Variants in TENM2 observed in about 807,000 individuals in gnomAD.
TENM2 encodes teneurin transmembrane protein 2.
TENM2 carries 52 observed loss-of-function variants against 245.2 expected under a neutral mutation model. That is an observed-to-expected ratio of 0.21 (90% CI 0.17 to 0.27). The LOEUF (loss-of-function observed/expected upper bound fraction) is 0.27. Ranked by LOEUF, TENM2 falls within the 10% of genes least tolerant of loss-of-function variation. The pLI is 1.00. For missense variants in TENM2, 3,046 were observed against 3,666.8 expected, an observed-to-expected ratio of 0.83 and a Z score of 4.37; for synonymous variants, 1,363 against 1,438.9, an observed-to-expected ratio of 0.95 and a Z score of 1.19.
At chr5:167,304,813 CCTGATA>C (rs1169310057) in intron 1 of TENM2, among the ~76,000 whole-genome samples, 2 of 152,064 alleles carry the variant, frequency 1.3e-5, no homozygotes, top group African/African-American at 4.8e-5. Context: ...GCTTAGCAAA[CCTGATA>C]CTGTTTTTCC....
the TENM2 span, among the ~76,000 whole-genome samples, chr5:167,251,493 G>A: frequency 1.1e-3 from 162 of 152,188 alleles, no homozygotes; most frequent in African/African-American, 3.8e-3. Flanking sequence ...TTGGAATTAG[G>A]CAAGGGCAAG....
chr5:167,198,726 G>C, the TENM2 span, among the ~76,000 whole-genome samples: 2 of 151,996 alleles, frequency 1.3e-5, no homozygotes, highest in African/African-American at 4.8e-5. Flanking sequence ...CTGTGTCATT[G>C]ATCATCCGCC....
chr5:168,143,906 G>A (rs1215181396), intron 12 of TENM2, among the ~76,000 whole-genome samples: 1 of 140,432 alleles, frequency 7.1e-6, no homozygotes, highest in African/African-American at 2.7e-5. Flanking sequence ...CTGGAGAGCA[G>A]TGGCGCGATC....
chr5:167,772,880 A>C (rs1763495433), intron 2 of TENM2, among the ~76,000 whole-genome samples: 2 of 152,220 alleles, frequency 1.3e-5, no homozygotes, highest in Non-Finnish European at 2.9e-5. Context: ...AATATGATTT[A>C]ATTCTTTTCT....
At position 167,661,340 on chromosome 5, in the gene TENM2, C is replaced by T. The variant is rs141096101; in HGVS notation, c.503-214646C>T. Among the ~76,000 whole-genome samples, 6 of 152,258 alleles carry T rather than the reference C, an allele frequency of 3.9e-5. No individual in the cohort carries two copies. In the East Asian group the frequency reaches 1.2e-3, roughly 29 times the overall value. ...TTGGAACGTGAATTTAGAATTCACA[C>T]TCTGGCTCATTTTTCCAACTGTAAA... is the stretch of plus-strand genomic sequence containing the variant. On this transcript the variant is annotated intron_variant, in intron 2 of 28. Coordinates refer to ENST00000518659, the Ensembl canonical transcript of TENM2.
chr5:168,006,455 A>G (rs944336583), intron 5 of TENM2, among the ~76,000 whole-genome samples: 28 of 152,234 alleles, frequency 1.8e-4, no homozygotes, highest in Non-Finnish European at 1.5e-5. Context: ...TCGAATGCAC[A>G]TTGAGAATAA....
intron 13 of TENM2, among the ~76,000 whole-genome samples, chr5:168,175,004 G>A (rs1042166281): frequency 6.6e-6 from 1 of 152,172 alleles, no homozygotes; most frequent in Non-Finnish European, 1.5e-5. Flanking sequence ...AGGACAGGTG[G>A]TGCTGTGCCA....
the TENM2 span, among the ~76,000 whole-genome samples, chr5:167,057,689 A>G: frequency 6.6e-6 from 1 of 152,148 alleles, no homozygotes; most frequent in Admixed American, 6.6e-5. Flanking sequence ...AGGTTATGCT[A>G]CCTATTCAGG....
At chr5:168,227,922 G>A (rs1156371581) in exon 25 of TENM2, 5 of 1,611,270 alleles carry the variant, frequency 3.1e-6, no homozygotes, top group Non-Finnish European at 4.2e-6. Context: ...TACCAGCTCT[G>A]TAATAATGGT....
intron 9 of TENM2, among the ~76,000 whole-genome samples, chr5:168,114,356 T>A (rs1455086976): frequency 1.3e-5 from 2 of 152,250 alleles, no homozygotes; most frequent in Non-Finnish European, 2.9e-5. Context: ...TCCGTAATAC[T>A]TCTTGGCACA....
chr5:167,744,779 C>A (rs1561730494), intron 2 of TENM2, among the ~76,000 whole-genome samples: 1 of 151,928 alleles, frequency 6.6e-6, no homozygotes, highest in Non-Finnish European at 1.5e-5. Flanking sequence ...GGACACTGTT[C>A]TTTCTTTCTG....
At chr5:167,275,071 C>T in the TENM2 span, among the ~76,000 whole-genome samples, 1 of 151,644 alleles carries the variant, frequency 6.6e-6, no homozygotes, top group Non-Finnish European at 1.5e-5. Flanking sequence ...TTGTTTGTTT[C>T]TTTTTCCCTG....
intron 2 of TENM2, among the ~76,000 whole-genome samples, chr5:167,874,058 C>T (rs1773208406): frequency 6.6e-6 from 1 of 152,122 alleles, no homozygotes; most frequent in South Asian, 2.1e-4. Flanking sequence ...TCACTTTCTT[C>T]CTCTTTGGAC....
intron 2 of TENM2, among the ~76,000 whole-genome samples, chr5:167,700,614 C>T (rs279415): frequency 0.19 from 28,971 of 152,110 alleles, 3,242 homozygotes; most frequent in East Asian, 0.41. Flanking sequence ...GCTCTTGGTA[C>T]ACCTATGCCC....
intron 1 of TENM2, among the ~76,000 whole-genome samples, chr5:167,327,718 C>T (rs1483245734): frequency 6.6e-6 from 1 of 151,922 alleles, no homozygotes; most frequent in Non-Finnish European, 1.5e-5. Flanking sequence ...TATAGAGATC[C>T]AAGGATGGAA....
chr5:168,161,509 A>G (rs1562233066), intron 12 of TENM2, among the ~76,000 whole-genome samples: 1 of 152,206 alleles, frequency 6.6e-6, no homozygotes, highest in Non-Finnish European at 1.5e-5. Context: ...ATGCCCCAAC[A>G]AAGCTGTGAA....
intron 2 of TENM2, among the ~76,000 whole-genome samples, chr5:167,491,449 A>G (rs1378116338): frequency 6.6e-6 from 1 of 152,128 alleles, no homozygotes; most frequent in Non-Finnish European, 1.5e-5. Context: ...AGAAAATTTA[A>G]CACTCAACAT....
intron 1 of TENM2, among the ~76,000 whole-genome samples, chr5:167,359,419 TAA>T (rs2127259950): frequency 6.6e-6 from 1 of 152,322 alleles, no homozygotes; most frequent in South Asian, 2.1e-4. Flanking sequence ...CCAATTTACT[TAA>T]GTAGTTTTTT....
the TENM2 span, among the ~76,000 whole-genome samples, chr5:167,030,912 G>A: frequency 6.6e-6 from 1 of 152,288 alleles, no homozygotes; most frequent in African/African-American, 2.4e-5. Flanking sequence ...ATAACGGAAA[G>A]GCCTTCATCC....
Sources: gnomAD v4.1 joint callset for allele counts (sites outside exome capture counted in the v4.1 genomes callset) on GRCh38, gnomAD v4.1.1 for gene constraint, MANE v1.5 for transcripts, NCBI Gene and HGNC (gene_info 2026-07-23, HGNC 2026-07-21) for gene names.